The following POM121C variants were observed in gnomAD, a reference collection of about 807,000 sequenced individuals.
POM121C encodes the protein nuclear envelope pore membrane protein POM 121C.
In POM121C, 20 loss-of-function variants were observed where a neutral mutation model predicts 66.4. The ratio of observed to expected loss-of-function variants is 0.30; its 90% CI spans 0.21 to 0.44. The LOEUF is 0.44. Ranked by LOEUF, POM121C falls within the 20% of genes least tolerant of loss-of-function variation. The pLI, the probability that POM121C is intolerant of heterozygous loss-of-function variation, is 1.00. For synonymous variants in POM121C, 286 were observed against 528.0 expected, an observed-to-expected ratio of 0.54 and a Z score of 6.28; for missense variants, 580 against 1,225.7, an observed-to-expected ratio of 0.47 and a Z score of 7.87.
chr7:75,432,849 C>T (rs1274058823), intron 7 of POM121C, among the ~76,000 whole-genome samples: 4 of 152,106 alleles, frequency 2.6e-5, no homozygotes, highest in Non-Finnish European at 5.9e-5. Context: ...GATGGAGACT[C>T]GGATCGCTGG....
At chr7:75,447,287 T>C (rs1489384371) in intron 3 of POM121C, among the ~76,000 whole-genome samples, 11 of 151,826 alleles carry the variant, frequency 7.2e-5, no homozygotes, top group Admixed American at 6.6e-4. Context: ...TGGCCAAAAA[T>C]TTTCCAAATG....
At chr7:75,468,968 G>A (rs1791775555) in intron 3 of POM121C, among the ~76,000 whole-genome samples, 2 of 152,304 alleles carry the variant, frequency 1.3e-5, no homozygotes, top group Admixed American at 1.3e-4. Flanking sequence ...TTCTCCCGCA[G>A]TCTTTGCCAA....
Position 75,474,684 on chromosome 7 carries a change from T to G in POM121C, c.-152+20A>C, listed in dbSNP as rs1262820741. On this transcript the variant is annotated intron_variant, in intron 3 of 14. Coordinates refer to ENST00000615331, the MANE Select transcript of POM121C (RefSeq NM_001099415.3). ...GTCTGGGATGAGCATTTTTTAACATTTGATACTCTACTAACTTACCAGGAC... is the reference window on the plus strand; with the variant it reads ...GTCTGGGATGAGCATTTTTTAACATGTGATACTCTACTAACTTACCAGGAC... 47 of 1,354,404 alleles carry G rather than the reference T, an allele frequency of 3.5e-5. No individual in the cohort carries two copies. The East Asian group carries it at 1.1e-3, about 32-fold the overall frequency. 83.9% of individuals were successfully genotyped at this position (1,354,404 alleles called of 1,614,324 possible).
At chr7:75,474,220 C>A (rs1222553821) in intron 3 of POM121C, among the ~76,000 whole-genome samples, 1 of 151,900 alleles carries the variant, frequency 6.6e-6, no homozygotes, top group African/African-American at 2.4e-5. Flanking sequence ...ATGGTGAAAC[C>A]CTGTCTCTAC....
At chr7:75,453,297 T>C (rs1554475939) in intron 3 of POM121C, among the ~76,000 whole-genome samples, 1 of 138,622 alleles carries the variant, frequency 7.2e-6, no homozygotes, top group Middle Eastern at 4.3e-3. Context: ...AAAAAAAAGA[T>C]ACAGGCCAGG....
intron 2 of POM121C, 67 bp from the exon 3 acceptor site, chr7:75,474,949 A>C (rs1554479173): frequency 1.6e-6 from 2 of 1,232,800 alleles, no homozygotes; most frequent in African/African-American, 3.0e-5. Context: ...AGAATAATAT[A>C]AACACTGCAG....
intron 10 of POM121C, 64 bp from the exon 11 acceptor site, chr7:75,424,692 C>T (rs1311395780): frequency 3.1e-6 from 5 of 1,590,008 alleles, no homozygotes; most frequent in Admixed American, 1.7e-5. Flanking sequence ...GGCGTGGTGG[C>T]TAACGCCGGT....
At chr7:75,465,358 C>T (rs1195458169) in intron 3 of POM121C, among the ~76,000 whole-genome samples, 2 of 151,674 alleles carry the variant, frequency 1.3e-5, no homozygotes, top group East Asian at 3.9e-4. Context: ...ATAATCCCAG[C>T]ACCTTGGGAG....
intron 12 of POM121C, among the ~76,000 whole-genome samples, chr7:75,423,801 A>C (rs144517089): frequency 6.6e-6 from 1 of 151,548 alleles, no homozygotes; most frequent in Non-Finnish European, 1.5e-5. Context: ...TCATCTGACA[A>C]ATGAGGAAGG....
chr7:75,420,022 C>T (rs1231643211), intron 13 of POM121C: 2 of 153,084 alleles, frequency 1.3e-5, no homozygotes, highest in Non-Finnish European at 2.9e-5. Context: ...CACAGTTTCT[C>T]TTCCTTCCCT....
chr7:75,482,259 G>C (rs1184231619), intron 1 of POM121C, among the ~76,000 whole-genome samples: 57 of 152,252 alleles, frequency 3.7e-4, no homozygotes, highest in Middle Eastern at 3.4e-3. Context: ...AGTATTATGG[G>C]TTATTCCTAG....
intron 7 of POM121C, among the ~76,000 whole-genome samples, chr7:75,432,987 C>A (rs1168009609): frequency 6.6e-6 from 1 of 152,078 alleles, no homozygotes; most frequent in Non-Finnish European, 1.5e-5. Flanking sequence ...GTAATCCCAG[C>A]ACTTTGGGAG....
chr7:75,452,088 C>T (rs587773903), intron 3 of POM121C, among the ~76,000 whole-genome samples: 22 of 152,234 alleles, frequency 1.4e-4, no homozygotes, highest in African/African-American at 5.3e-4. Context: ...CTCTTGAACC[C>T]AGGAGGAGGA....
chr7:75,459,599 C>CAAA (rs1211791667), intron 3 of POM121C, among the ~76,000 whole-genome samples: 28 of 43,830 alleles, frequency 6.4e-4, no homozygotes, highest in East Asian at 1.7e-3. Flanking sequence ...GACTCTGTCT[C>CAAA]AAAAAAAAAA....
chr7:75,437,097 T>C (rs1226943098), intron 7 of POM121C, among the ~76,000 whole-genome samples: 1 of 152,208 alleles, frequency 6.6e-6, no homozygotes, highest in Non-Finnish European at 1.5e-5. Context: ...CAGTCTACCT[T>C]TCGAATCACC....
At chr7:75,463,107 G>A (rs587642776) in intron 3 of POM121C, among the ~76,000 whole-genome samples, 4 of 152,228 alleles carry the variant, frequency 2.6e-5, no homozygotes, top group Non-Finnish European at 5.9e-5. Context: ...TAGATCACTT[G>A]AGGCCAGGAG....
Position 75,418,501 on chromosome 7 carries a change from G to A in POM121C, c.*295C>T, listed in dbSNP as rs587624974. On this transcript the variant is annotated 3_prime_UTR_variant, in exon 15 of 15. Transcript: ENST00000615331. ...GCCTGCCTAAGGGTGCGCTAAGCGG[G>A]AGTCAGGGCAGCGGACACTATGTAC... is the stretch of plus-strand genomic sequence containing the variant. 8 of 1,150,406 alleles carry A rather than the reference G, an allele frequency of 7.0e-6. No individual in the cohort carries two copies. The highest frequency in any genetic ancestry group is 6.5e-5 in the African/African-American group (4 of 61,508). The allele number at this position is 1,150,406 out of a possible 1,614,324, so 71.3% of individuals were successfully genotyped here.
intron 1 of POM121C, among the ~76,000 whole-genome samples, chr7:75,483,382 C>T (rs1342076043): frequency 5.3e-5 from 8 of 152,086 alleles, no homozygotes; most frequent in African/African-American, 1.7e-4. Context: ...GATATGGTTT[C>T]GGTGTGTGTC....
At chr7:75,436,624 T>C (rs1790423999) in intron 7 of POM121C, among the ~76,000 whole-genome samples, 1 of 152,206 alleles carries the variant, frequency 6.6e-6, no homozygotes, top group South Asian at 2.1e-4. Flanking sequence ...CATCTTTTTG[T>C]CTGGCTGCTG....
Sources: gnomAD v4.1 joint callset for allele counts (sites outside exome capture counted in the v4.1 genomes callset) on GRCh38, gnomAD v4.1.1 for gene constraint, MANE v1.5 for transcripts, NCBI Gene and HGNC (gene_info 2026-07-23, HGNC 2026-07-21) for gene names.